Variants in SPATA9 observed in about 807,000 individuals in gnomAD.
SPATA9 encodes spermatogenesis associated 9, also known as spermatogenesis-associated protein 9.
A neutral mutation model predicts 25.5 loss-of-function variants in SPATA9; 27 were observed. The ratio of observed to expected loss-of-function variants is 1.06; its 90% CI spans 0.78 to 1.46. The LOEUF is 1.46. Ranked by LOEUF, SPATA9 falls within the 40% of genes most tolerant of loss-of-function variation. The probability of loss-of-function intolerance (pLI) is 0.00; values close to 1 mark genes in which losing one functional copy is unlikely to be tolerated. For missense variants in SPATA9, 282 were observed against 297.5 expected, an observed-to-expected ratio of 0.95 and a Z score of 0.38; for synonymous variants, 102 against 105.7, an observed-to-expected ratio of 0.97 and a Z score of 0.21.
chr5:95,715,455 A>G, the SPATA9 span, among the ~76,000 whole-genome samples: 63 of 152,356 alleles, frequency 4.1e-4, 1 homozygote, highest in South Asian at 0.012. Context: ...CAGACACTTA[A>G]CACATGAAGT....
At chr5:95,703,212 T>A (rs1754218256), upstream of SPATA9, among the ~76,000 whole-genome samples, 1 of 152,258 alleles carries the variant, frequency 6.6e-6, no homozygotes, top group Admixed American at 6.5e-5. Flanking sequence ...AAAGAACTTA[T>A]ACAGATGATC....
chr5:95,722,741 C>T, the SPATA9 span, among the ~76,000 whole-genome samples: 1 of 152,184 alleles, frequency 6.6e-6, no homozygotes, highest in South Asian at 2.1e-4. Context: ...CCTCGGCTTC[C>T]CAAAGTGCTG....
upstream of SPATA9, among the ~76,000 whole-genome samples, chr5:95,700,723 G>A (rs1267468613): frequency 4.6e-5 from 7 of 152,052 alleles, no homozygotes; most frequent in South Asian, 4.1e-4. Context: ...CACTGTGCCC[G>A]GCCCCAATAA....
chr5:95,726,386 A>G, the SPATA9 span, among the ~76,000 whole-genome samples: 1 of 152,250 alleles, frequency 6.6e-6, no homozygotes, highest in South Asian at 2.1e-4. Context: ...TGACTTGTAT[A>G]TAGTACACTA....
At chr5:95,720,430 T>C in the SPATA9 span, among the ~76,000 whole-genome samples, 2 of 152,238 alleles carry the variant, frequency 1.3e-5, no homozygotes, top group Admixed American at 1.3e-4. Flanking sequence ...GAATTTATAT[T>C]AGATCATAGT....
At chr5:95,716,617 T>G in the SPATA9 span, among the ~76,000 whole-genome samples, 1 of 152,208 alleles carries the variant, frequency 6.6e-6, no homozygotes, top group South Asian at 2.1e-4. Context: ...ACTTTTGAGT[T>G]AATGCTAAAA....
chr5:95,678,601 G>C (rs938871670), intron 2 of SPATA9, among the ~76,000 whole-genome samples: 1 of 152,036 alleles, frequency 6.6e-6, no homozygotes, highest in Non-Finnish European at 1.5e-5. Context: ...GCGCGGGGGA[G>C]GGGAGGAAGA....
chr5:95,701,661 T>C (rs2112717748), upstream of SPATA9, among the ~76,000 whole-genome samples: 1 of 151,108 alleles, frequency 6.6e-6, no homozygotes, highest in East Asian at 1.9e-4. Context: ...CCCCAACAGG[T>C]CTATAATTTA....
At chr5:95,652,275 T>A, downstream of SPATA9, 1 of 1,550,428 alleles carries the variant, frequency 6.4e-7, no homozygotes, top group South Asian at 1.2e-5. Context: ...CCTCTAAATG[T>A]TGAAGTGTTT....
the SPATA9 span, among the ~76,000 whole-genome samples, chr5:95,716,611 T>C: frequency 2.6e-5 from 4 of 152,196 alleles, no homozygotes; most frequent in African/African-American, 7.2e-5. Flanking sequence ...TGGTGGACTT[T>C]TGAGTTAATG....
the SPATA9 span, among the ~76,000 whole-genome samples, chr5:95,720,059 G>A: frequency 2.0e-4 from 30 of 152,182 alleles, 1 homozygote; most frequent in African/African-American, 5.8e-4. Flanking sequence ...TTTAATAGTC[G>A]AGAGTCTCAT....
chr5:95,673,429 G>C lies in SPATA9; in HGVS notation c.378+1983C>G, dbSNP rs187732331. 1.1e-4 allele frequency among the ~76,000 whole-genome samples: 16 copies of C among 152,176 alleles called. No homozygotes were observed. In the East Asian group the frequency reaches 1.7e-3, roughly 17 times the overall value. On this transcript the variant is annotated intron_variant, in intron 3 of 4. Coordinates refer to ENST00000274432, the MANE Select transcript of SPATA9 (RefSeq NM_031952.4). ...ATATGTATGTGTACAATTGTGGCAG[G>C]CTAATTTGTTAGCTTGTGGGTAGTG...
intron 4 of SPATA9, among the ~76,000 whole-genome samples, chr5:95,663,515 G>T (rs192158189): frequency 9.7e-4 from 148 of 151,992 alleles, no homozygotes; most frequent in Admixed American, 4.3e-3. Context: ...GCTATTAATA[G>T]AAAATAAAAC....
At chr5:95,723,910 C>G in the SPATA9 span, among the ~76,000 whole-genome samples, 1 of 152,226 alleles carries the variant, frequency 6.6e-6, no homozygotes, top group South Asian at 2.1e-4. Flanking sequence ...AGCACACTCC[C>G]AAGGGCTATA....
At chr5:95,719,026 T>C in the SPATA9 span, among the ~76,000 whole-genome samples, 2 of 151,720 alleles carry the variant, frequency 1.3e-5, no homozygotes, top group Non-Finnish European at 2.9e-5. Context: ...AGGTATAAAG[T>C]GGAGGGGAGG....
the SPATA9 span, among the ~76,000 whole-genome samples, chr5:95,725,697 A>G: frequency 1.3e-5 from 2 of 152,228 alleles, no homozygotes; most frequent in African/African-American, 2.4e-5. Context: ...AACCTCTTAC[A>G]GTGCTGTGTA....
the SPATA9 span, chr5:95,731,841 C>T: frequency 1.3e-5 from 21 of 1,606,480 alleles, no homozygotes; most frequent in African/African-American, 6.7e-5. Context: ...TCTCCCCTCG[C>T]CCCCTCTGTC....
At chr5:95,670,859 G>T in intron 3 of SPATA9, 3 of 985,390 alleles carry the variant, frequency 3.0e-6, no homozygotes, top group Non-Finnish European at 3.6e-6. Context: ...TGTCCTCATA[G>T]TCAGTTCTGT....
chr5:95,706,432 G>C, the SPATA9 span, among the ~76,000 whole-genome samples: 1 of 151,760 alleles, frequency 6.6e-6, no homozygotes, highest in Non-Finnish European at 1.5e-5. Flanking sequence ...GGGTGGAGTC[G>C]TGCCTGCTTC....
Sources: gnomAD v4.1 joint callset for allele counts (sites outside exome capture counted in the v4.1 genomes callset) on GRCh38, gnomAD v4.1.1 for gene constraint, MANE v1.5 for transcripts, NCBI Gene and HGNC (gene_info 2026-07-23, HGNC 2026-07-21) for gene names.